Variants in RUBCNL observed in about 807,000 individuals in gnomAD.
The protein encoded by RUBCNL is rubicon like autophagy enhancer, also known as protein associated with UVRAG as autophagy enhancer.
RUBCNL carries 62 observed loss-of-function variants against 69.5 expected under a neutral mutation model. The observed-to-expected ratio is 0.89, with a 90% CI of 0.73 to 1.10. The LOEUF is 1.10. Ranked by LOEUF, RUBCNL falls within the 50% of genes least tolerant of loss-of-function variation. The pLI is 0.00. For missense variants in RUBCNL, 768 were observed against 798.1 expected, an observed-to-expected ratio of 0.96 and a Z score of 0.45; for synonymous variants, 291 against 303.6, an observed-to-expected ratio of 0.96 and a Z score of 0.43.
Position 46,342,093 on chromosome 13 carries a change from T to C in RUBCNL, c.*1292A>G, listed in dbSNP as rs2048150216. The stretch of plus-strand genomic sequence containing the variant: ...TAAATAATGGATGTGAGCACAGTTC[T>C]GGCAGAGGCACTGCGGATGAGAAAA... On this transcript the variant is annotated 3_prime_UTR_variant, in exon 15 of 15. Coordinates refer to ENST00000429979, the MANE Select transcript of RUBCNL (RefSeq NM_025113.5). 1 of 152,260 alleles carries C rather than the reference T, an allele frequency of 6.6e-6. No individual in the cohort carries two copies. The allele number at this position is 152,260 out of a possible 1,614,324, so 9.4% of individuals were successfully genotyped here. A position where few individuals can be genotyped will look rare whatever the true frequency, so the allele number is the denominator to read the frequency against.
chr13:46,340,141 C>T lies in RUBCNL; in HGVS notation c.*3244G>A, dbSNP rs189777590. On this transcript the variant is annotated 3_prime_UTR_variant, in exon 15 of 15. Transcript: ENST00000429979. ...TCCCTTTTCTTATAAGGACACCAGT[C>T]ACTAGATCAAAACTCATCCTAATGC... Among the ~76,000 whole-genome samples, 1 of 152,168 alleles carries T rather than the reference C, an allele frequency of 6.6e-6. No homozygotes were observed. Among genetic ancestry groups the T allele is most frequent in the African/African-American group, 2.4e-5 (1 of 41,520 alleles).
chr13:46,334,974 T>C lies in RUBCNL; in HGVS notation c.*8411A>G, dbSNP rs2048094421. ...GGGGTATACTAAGGGCAAGAGGAAT[T>C]TTTAAAGAGGTTCCTGATGGAGGGA... On this transcript the variant is annotated 3_prime_UTR_variant, in exon 15 of 15. Transcript: ENST00000429979. 6.6e-6 allele frequency among the ~76,000 whole-genome samples: 1 copy of C among 152,096 alleles called. No homozygotes were observed. The highest frequency in any genetic ancestry group is 6.5e-5 in the Admixed American group (1 of 15,276).
At chr13:46,344,998 G>T (rs570997903) in intron 13 of RUBCNL, among the ~76,000 whole-genome samples, 167 bp from the exon 14 acceptor site, 1 of 152,230 alleles carries the variant, frequency 6.6e-6, no homozygotes, top group East Asian at 1.9e-4. Flanking sequence ...TCAAAAAAAA[G>T]ATAAAAATGT....
chr13:46,337,020 T>C lies in RUBCNL; in HGVS notation c.*6365A>G, dbSNP rs2048109025. Among the ~76,000 whole-genome samples the C allele has an allele frequency of 6.6e-6, 1 of 152,068 alleles. No individual in the cohort carries two copies. Among genetic ancestry groups the C allele is most frequent in the African/African-American group, 2.4e-5 (1 of 41,402 alleles). On this transcript the variant is annotated 3_prime_UTR_variant, in exon 15 of 15. Coordinates refer to ENST00000429979, the MANE Select transcript of RUBCNL (RefSeq NM_025113.5). The stretch of plus-strand genomic sequence containing the variant: ...AAGACCTAACCCCCAATTGTGACAG[T>C]ATTAGGAGGTGGAGCCTTTAGGTGG...
rs144130907 is a variant in RUBCNL at position 46,339,873 on chromosome 13, AAAAAC to A, written c.*3507_*3511del. 0.051 allele frequency among the ~76,000 whole-genome samples: 7,735 copies of A among 151,958 alleles called. 271 individuals carry two copies. The highest frequency in any genetic ancestry group is 0.13 in the South Asian group (630 of 4,818). On this transcript the variant is annotated 3_prime_UTR_variant, in exon 15 of 15. Coordinates refer to ENST00000429979, the MANE Select transcript of RUBCNL (RefSeq NM_025113.5). Reference sequence around the variant, plus strand: ...GACTCCATTTCAAAAAAACAAAAACAAAAACAAAACAAAACAAAAAAACCCCAGGA... The same window carrying A: ...GACTCCATTTCAAAAAAACAAAAACAAAAACAAAACAAAAAAACCCCAGGA...
At chr13:46,351,833 T>TA (rs1181114129) in intron 10 of RUBCNL, among the ~76,000 whole-genome samples, 1 of 149,004 alleles carries the variant, frequency 6.7e-6, no homozygotes, top group Non-Finnish European at 1.5e-5. Flanking sequence ...TTACACTTTT[T>TA]TTTTTTTTTT....
At chr13:46,368,535 G>C (rs2048809986) in intron 4 of RUBCNL, 198 bp downstream of exon 4, 1 of 981,096 alleles carries the variant, frequency 1.0e-6, no homozygotes, top group East Asian at 1.1e-4. Context: ...ATCAATCACA[G>C]AAAACTTTCC....
At chr13:46,386,570 C>G (rs573953145) in intron 1 of RUBCNL, among the ~76,000 whole-genome samples, 2 of 124,696 alleles carry the variant, frequency 1.6e-5, no homozygotes, top group East Asian at 5.3e-4. Context: ...GAACGCCCGC[C>G]TGACCGTGTC....
upstream of RUBCNL, chr13:46,387,303 C>T: frequency 1.0e-6 from 1 of 985,462 alleles, no homozygotes; most frequent in African/African-American, 1.7e-5. Flanking sequence ...CGCCGCCACG[C>T]CCCCCGCCTC....
rs2048139610 is a variant in RUBCNL at position 46,341,217 on chromosome 13, T to G, written c.*2168A>C. Among the ~76,000 whole-genome samples the G allele has an allele frequency of 6.6e-6, 1 of 152,236 alleles. No individual in the cohort carries two copies. Among genetic ancestry groups the G allele is most frequent in the South Asian group, 2.1e-4 (1 of 4,836 alleles). ...AATGAATCACTGACCTTTACAGCAC[T>G]GCAACTGATGCCTCACAGTGGGTAA... On this transcript the variant is annotated 3_prime_UTR_variant, in exon 15 of 15. Coordinates refer to ENST00000429979, the MANE Select transcript of RUBCNL (RefSeq NM_025113.5).
At position 46,335,267 on chromosome 13, in the gene RUBCNL, T is replaced by TG. The variant is rs1238535937; in HGVS notation, c.*8117_*8118insC. On this transcript the variant is annotated 3_prime_UTR_variant, in exon 15 of 15. Coordinates refer to ENST00000429979, the MANE Select transcript of RUBCNL (RefSeq NM_025113.5). ...TTTGTTGTTGTTGTTGTTGTTTTTT[T>TG]TTTTTTTTTTTTTTTTTTAAGAGAC... Among the ~76,000 whole-genome samples the TG allele has an allele frequency of 1.4e-3, 201 of 140,334 alleles. No homozygotes were observed. The highest frequency in any genetic ancestry group is 5.1e-3 in the African/African-American group (195 of 37,946). The allele number at this position is 140,334 out of a possible 152,430, so 92.1% of individuals were successfully genotyped here.
intron 5 of RUBCNL, among the ~76,000 whole-genome samples, chr13:46,366,750 T>C (rs1350273503): frequency 6.6e-6 from 1 of 151,550 alleles, no homozygotes; most frequent in Non-Finnish European, 1.5e-5. Flanking sequence ...TGTGAGAGAG[T>C]GATGGAGAGA....
intron 3 of RUBCNL, among the ~76,000 whole-genome samples, chr13:46,371,000 T>C (rs2048864589): frequency 6.6e-6 from 1 of 151,986 alleles, no homozygotes; most frequent in Non-Finnish European, 1.5e-5. Context: ...CATTGAAAGA[T>C]TGTCCAAAAT....
chr13:46,387,431 A>T (rs2049277446), upstream of RUBCNL: 2 of 985,080 alleles, frequency 2.0e-6, no homozygotes, highest in Admixed American at 6.2e-5. Context: ...GCGCTCCTAC[A>T]CCGGTGCCGC....
At position 46,337,245 on chromosome 13, in the gene RUBCNL, C is replaced by T. The variant is rs147758476; in HGVS notation, c.*6140G>A. Among the ~76,000 whole-genome samples, 253 of 152,218 alleles carry T rather than the reference C, an allele frequency of 1.7e-3. 1 individual carries two copies. The highest frequency in any genetic ancestry group is 5.8e-3 in the African/African-American group (239 of 41,530). ...GCAACCTTCAACTCCCTGGTTCAAG[C>T]GATTCTTCTGCCTCAGCCTCCCGAG... is the stretch of plus-strand genomic sequence containing the variant. On this transcript the variant is annotated 3_prime_UTR_variant, in exon 15 of 15. Coordinates refer to ENST00000429979, the MANE Select transcript of RUBCNL (RefSeq NM_025113.5).
At position 46,361,541 on chromosome 13, in the gene RUBCNL, T is replaced by G. The variant is rs184720133; in HGVS notation, c.1019A>C (p.Glu340Ala). 1.2e-6 allele frequency: 2 copies of G among 1,608,668 alleles called. No individual in the cohort carries two copies. Among genetic ancestry groups the G allele is most frequent in the Admixed American group, 1.7e-5 (1 of 58,968 alleles). ...VTYEPDFNSA[E>A]LLAKELYRVF... ...GCGGTACAGCTCTTTGGCTAATAGT[T>G]CTGCAGAATTGAAGTCTGGCTCATA... The change falls in exon 8 of 15, where the codon GAA becomes GCA. Residue 340 changes from glutamate to alanine, a missense_variant. By Grantham distance (107) the Glu-to-Ala change is moderately radical. Transcript: ENST00000429979.
In RUBCNL at chr13:46,357,332, CAAAAAAAAAAA is replaced by C. The variant is rs750289413; in HGVS notation, c.1266-847_1266-837del. Among the ~76,000 whole-genome samples the C allele has an allele frequency of 4.0e-3, 215 of 53,314 alleles. 1 individual carries two copies. Among genetic ancestry groups the C allele is most frequent in the African/African-American group, 0.015 (205 of 13,546 alleles). 35.0% of individuals were successfully genotyped at this position (53,314 alleles called of 152,430 possible). A position where few individuals can be genotyped will look rare whatever the true frequency, so the allele number is the denominator to read the frequency against. On this transcript the variant is annotated intron_variant, in intron 9 of 14. Coordinates refer to ENST00000429979, the MANE Select transcript of RUBCNL (RefSeq NM_025113.5). ...TGGGCGATAGAGTGAGACTCCGTCT[CAAAAAAAAAAA>C]AAAAAAAAAGCTTCTGCTAAAACCA... is the stretch of plus-strand genomic sequence containing the variant.
At chr13:46,347,751 G>A (rs1245455030) in intron 12 of RUBCNL, among the ~76,000 whole-genome samples, 1 of 152,106 alleles carries the variant, frequency 6.6e-6, no homozygotes, top group Non-Finnish European at 1.5e-5. Context: ...CAGCACTTTG[G>A]GAGGCCGAGG....
intron 3 of RUBCNL, among the ~76,000 whole-genome samples, chr13:46,369,385 A>T (rs1321052878): frequency 1.3e-5 from 2 of 151,956 alleles, no homozygotes; most frequent in Non-Finnish European, 2.9e-5. Flanking sequence ...TGATTTTCTA[A>T]ATTATTTTTG....
Sources: allele counts gnomAD v4.1 joint callset (sites outside exome capture counted in the v4.1 genomes callset), GRCh38; gene constraint gnomAD v4.1.1; transcripts MANE v1.5; gene names NCBI Gene and HGNC (gene_info 2026-07-23, HGNC 2026-07-21).